Variants in COL6A5 observed in about 807,000 individuals in gnomAD.
COL6A5 encodes collagen type VI alpha 5 chain.
A neutral mutation model predicts 65.6 loss-of-function variants in COL6A5; 48 were observed. That is an observed-to-expected ratio of 0.73 (90% CI 0.58 to 0.93). The LOEUF (loss-of-function observed/expected upper bound fraction) is 0.93, where lower values mean the gene tolerates loss of function less well. COL6A5 is among the 40% of genes least tolerant of loss of function. COL6A5 has a pLI of 0.00. For missense variants in COL6A5, 914 were observed against 928.3 expected, an observed-to-expected ratio of 0.98 and a Z score of 0.20; for synonymous variants, 291 against 322.8, an observed-to-expected ratio of 0.90 and a Z score of 1.05.
At chr3:130,391,731 G>A (rs1313193749) in exon 7 of COL6A5, 17 of 1,550,374 alleles carry the variant, frequency 1.1e-5, no homozygotes, top group African/African-American at 9.6e-5. Flanking sequence ...GTTCAAGAAC[G>A]TATGTGTACT....
At chr3:130,390,019 A>G (rs1936337891) in intron 6 of COL6A5, among the ~76,000 whole-genome samples, 1 of 152,196 alleles carries the variant, frequency 6.6e-6, no homozygotes, top group Admixed American at 6.5e-5. Context: ...ATAATGTCTT[A>G]TAAACACTTA....
intron 2 of COL6A5, among the ~76,000 whole-genome samples, chr3:130,374,439 A>C (rs1420711792): frequency 6.6e-6 from 1 of 152,056 alleles, no homozygotes; most frequent in Non-Finnish European, 1.5e-5. Flanking sequence ...AGGTGATAAG[A>C]ATTTTTCAGC....
At chr3:130,421,682 T>C (rs1474297818) in intron 27 of COL6A5, among the ~76,000 whole-genome samples, 6 of 152,266 alleles carry the variant, frequency 3.9e-5, no homozygotes, top group Admixed American at 2.6e-4. Flanking sequence ...TATTGCTATT[T>C]GTTCTTCATT....
exon 2 of COL6A5, chr3:130,439,584 A>T (rs566570799): frequency 2.6e-6 from 4 of 1,551,320 alleles, no homozygotes; most frequent in African/African-American, 2.7e-5. Flanking sequence ...ATCAAACATT[A>T]GAAAGACTTC....
chr3:130,425,251 A>G (rs1383052139), intron 29 of COL6A5, among the ~76,000 whole-genome samples: 2 of 152,184 alleles, frequency 1.3e-5, no homozygotes, highest in Non-Finnish European at 2.9e-5. Context: ...CCAGCAATCC[A>G]CAATAGGCCA....
chr3:130,388,997 C>T, exon 6 of COL6A5: 1 of 1,548,126 alleles, frequency 6.5e-7, no homozygotes, highest in Non-Finnish European at 8.7e-7. Context: ...ACCATCTTCT[C>T]TGTAGGAGTA....
intron 25 of COL6A5, 54 bp from the exon 26 acceptor site, chr3:130,421,099 T>C (rs1937508766): frequency 6.7e-7 from 1 of 1,492,960 alleles, no homozygotes; most frequent in South Asian, 1.2e-5. Flanking sequence ...CCAGTATAGA[T>C]TAAAATTAAT....
chr3:130,414,783 G>C (rs531403175), intron 22 of COL6A5, among the ~76,000 whole-genome samples: 8 of 152,180 alleles, frequency 5.3e-5, no homozygotes, highest in Non-Finnish European at 1.2e-4. Flanking sequence ...GTATGGAAGG[G>C]CCTGTGTAGC....
chr3:130,465,654 A>G (rs1177184703), intron 5 of COL6A5, among the ~76,000 whole-genome samples: 1 of 152,090 alleles, frequency 6.6e-6, no homozygotes, highest in Non-Finnish European at 1.5e-5. Context: ...CAAGAATACA[A>G]AAGTATTTCA....
intron 4 of COL6A5, among the ~76,000 whole-genome samples, chr3:130,383,069 AATAC>A (rs947210328): frequency 6.6e-6 from 1 of 152,096 alleles, no homozygotes; most frequent in Non-Finnish European, 1.5e-5. Flanking sequence ...TTTAAAATCA[AATAC>A]ATACATCTAT....
At chr3:130,473,100 T>C (rs950995141) in intron 7 of COL6A5, among the ~76,000 whole-genome samples, 1 of 151,648 alleles carries the variant, frequency 6.6e-6, no homozygotes, top group Non-Finnish European at 1.5e-5. Flanking sequence ...TATTGAAATA[T>C]ATGGTTCTCA....
chr3:130,416,795 A>T, exon 24 of COL6A5: 1 of 1,531,126 alleles, frequency 6.5e-7, no homozygotes, highest in East Asian at 2.5e-5. Flanking sequence ...GGAGCACTGG[A>T]AGACCTGGAC....
chr3:130,433,761 T>C (rs1937921832), intron 1 of COL6A5, among the ~76,000 whole-genome samples: 1 of 152,164 alleles, frequency 6.6e-6, no homozygotes, highest in South Asian at 2.1e-4. Context: ...TGTTTGCCGA[T>C]TGGGTAGGTA....
intron 13 of COL6A5, among the ~76,000 whole-genome samples, chr3:130,404,718 G>C (rs1415591012): frequency 6.6e-6 from 1 of 152,172 alleles, no homozygotes; most frequent in African/African-American, 2.4e-5. Context: ...CATGGGCAAG[G>C]CCTCCTCCTT....
chr3:130,426,408 G>C lies in COL6A5; in HGVS notation c.5236+5G>C. 1.3e-6 allele frequency: 2 copies of C among 1,551,090 alleles called. No individual in the cohort carries two copies. Among genetic ancestry groups the C allele is most frequent in the East Asian group, 2.4e-5 (1 of 40,908 alleles). On this transcript the variant is annotated splice_donor_5th_base_variant and intron_variant and NMD_transcript_variant, in intron 31 of 41. Transcript: ENST00000312481. ...GGTTTTTGCGGGAACATAGTCGTGA[G>C]TATCTGTTACGGAACAAGAGCATCC...
At chr3:130,367,583 C>A (rs983904822) in intron 1 of COL6A5, among the ~76,000 whole-genome samples, 3 of 152,166 alleles carry the variant, frequency 2.0e-5, no homozygotes, top group Non-Finnish European at 4.4e-5. Flanking sequence ...GACATGTAGG[C>A]AACCAGATTT....
intron 13 of COL6A5, 110 bp downstream of exon 13, chr3:130,403,772 A>G: frequency 1.4e-6 from 1 of 721,774 alleles, no homozygotes; most frequent in Non-Finnish European, 2.1e-6. Flanking sequence ...GCTTATTTTC[A>G]TACAAAAGGG....
intron 7 of COL6A5, among the ~76,000 whole-genome samples, chr3:130,393,270 T>C (rs1936468439): frequency 6.6e-6 from 1 of 152,096 alleles, no homozygotes; most frequent in East Asian, 1.9e-4. Flanking sequence ...CTGCCCACCA[T>C]GAACACTCCA....
intron 17 of COL6A5, among the ~76,000 whole-genome samples, chr3:130,407,689 T>C (rs1937039138): frequency 6.6e-6 from 1 of 152,238 alleles, no homozygotes; most frequent in Admixed American, 6.5e-5. Flanking sequence ...CATCTCACAC[T>C]AGTCCTGGTT....
Sources: gnomAD v4.1 joint callset for allele counts (sites outside exome capture counted in the v4.1 genomes callset) on GRCh38, gnomAD v4.1.1 for gene constraint, MANE v1.5 for transcripts, NCBI Gene and HGNC (gene_info 2026-07-23, HGNC 2026-07-21) for gene names.